The following BCAR3 variants were observed in gnomAD, a reference collection of about 807,000 sequenced individuals.
The protein encoded by BCAR3 is BCAR3 adaptor protein, NSP family member, also known as breast cancer anti-estrogen resistance protein 3.
A neutral mutation model predicts 80.1 loss-of-function variants in BCAR3; 37 were observed. That is an observed-to-expected ratio of 0.46 (90% CI 0.36 to 0.61). The LOEUF (loss-of-function observed/expected upper bound fraction) is 0.61, where lower values mean the gene tolerates loss of function less well. BCAR3 is among the 20% of genes least tolerant of loss of function. The pLI, the probability that BCAR3 is intolerant of heterozygous loss-of-function variation, is 0.00. For synonymous variants in BCAR3, 389 were observed against 418.9 expected (o/e 0.93, Z 0.87); for missense variants, 978 against 1,068.2 (o/e 0.92, Z 1.18).
intron 2 of BCAR3, among the ~76,000 whole-genome samples, chr1:93,670,969 A>G (rs1648174156): frequency 6.6e-6 from 1 of 151,948 alleles, no homozygotes; most frequent in Non-Finnish European, 1.5e-5. Flanking sequence ...TGTATTTTCA[A>G]TGAATGTTCA....
In BCAR3 at chr1:93,589,133, G is replaced by A; in HGVS notation, c.773C>T (p.Pro258Leu). 6.2e-7 allele frequency: 1 copy of A among 1,613,462 alleles called. No individual in the cohort carries two copies. Among genetic ancestry groups the A allele is most frequent in the South Asian group, 1.1e-5 (1 of 91,002 alleles). Reference sequence around the variant, plus strand: ...ATAATGCTCCTCCAGGCACCGCAGAGGCACCGTCCTGTTGATGGGCTGGAA... The same window carrying A: ...ATAATGCTCCTCCAGGCACCGCAGAAGCACCGTCCTGTTGATGGGCTGGAA... The part of the protein sequence containing the change: ...IIFQPINRTV[P>L]LRCLEEHYGT... The change falls in exon 5 of 12, where the codon CCT (proline) becomes CTT (leucine). Residue 258 changes from proline to leucine, a missense_variant. Transcript: ENST00000260502.
At chr1:93,678,365 T>C (rs1053156324) in intron 1 of BCAR3, among the ~76,000 whole-genome samples, 2 of 152,250 alleles carry the variant, frequency 1.3e-5, no homozygotes, top group East Asian at 1.9e-4. Flanking sequence ...GTCTCCTTTA[T>C]GGCTGGCACT....
At chr1:93,573,396 C>CAAA (rs1673301877) in intron 8 of BCAR3, among the ~76,000 whole-genome samples, 1 of 92,156 alleles carries the variant, frequency 1.1e-5, no homozygotes, top group Non-Finnish European at 3.1e-5. Flanking sequence ...TATCTCAAAA[C>CAAA]AAAAATAATA....
intron 2 of BCAR3, among the ~76,000 whole-genome samples, chr1:93,741,465 A>G (rs563584741): frequency 5.3e-5 from 8 of 152,348 alleles, no homozygotes; most frequent in East Asian, 3.9e-4. Context: ...TGACTACTTC[A>G]TAAGGTTGTT....
At chr1:93,594,136 G>GT (rs1163142006) in intron 3 of BCAR3, among the ~76,000 whole-genome samples, 1 of 152,184 alleles carries the variant, frequency 6.6e-6, no homozygotes, top group Non-Finnish European at 1.5e-5. Flanking sequence ...CCACTAGACT[G>GT]TAAGTTTCAT....
At chr1:93,770,615 A>T (rs1472537377) in intron 2 of BCAR3, among the ~76,000 whole-genome samples, 4 of 152,198 alleles carry the variant, frequency 2.6e-5, no homozygotes, top group Non-Finnish European at 5.9e-5. Flanking sequence ...CCATGAACAT[A>T]CAGAGGGGGT....
intron 3 of BCAR3, among the ~76,000 whole-genome samples, chr1:93,700,736 G>A (rs1649610448): frequency 6.6e-6 from 1 of 152,238 alleles, no homozygotes; most frequent in Non-Finnish European, 1.5e-5. Context: ...TTCCCCTACA[G>A]GATTCTCCTG....
At chr1:93,693,910 C>G (rs899118561) in intron 3 of BCAR3, among the ~76,000 whole-genome samples, 2 of 152,240 alleles carry the variant, frequency 1.3e-5, no homozygotes, top group South Asian at 2.1e-4. Context: ...GGCTCTGCCT[C>G]TTGCTTGAGC....
chr1:93,650,011 A>C (rs542868880), intron 2 of BCAR3, among the ~76,000 whole-genome samples: 2 of 151,826 alleles, frequency 1.3e-5, no homozygotes, highest in Non-Finnish European at 2.9e-5. Context: ...CCCTTAAACG[A>C]GAACTCTGAT....
intron 2 of BCAR3, among the ~76,000 whole-genome samples, chr1:93,777,621 C>T (rs934560453): frequency 5.3e-5 from 8 of 152,032 alleles, no homozygotes; most frequent in East Asian, 1.9e-4. Flanking sequence ...ATGGGGGTCT[C>T]GCTAGGTTGC....
chr1:93,587,694 C>A (rs933302613), intron 5 of BCAR3, among the ~76,000 whole-genome samples: 2 of 148,800 alleles, frequency 1.3e-5, no homozygotes, highest in Non-Finnish European at 2.9e-5. Context: ...CTCATGGACC[C>A]CCCCGCCAAA....
At chr1:93,765,221 A>G (rs1299032726) in intron 2 of BCAR3, among the ~76,000 whole-genome samples, 1 of 152,128 alleles carries the variant, frequency 6.6e-6, no homozygotes, top group Non-Finnish European at 1.5e-5. Flanking sequence ...TACAATAACC[A>G]CTCCTACTAG....
chr1:93,728,058 G>A (rs1040077619), intron 2 of BCAR3, among the ~76,000 whole-genome samples: 2 of 152,228 alleles, frequency 1.3e-5, no homozygotes, highest in Admixed American at 6.5e-5. Flanking sequence ...GGCAAGGAAG[G>A]ATTCTCCCCT....
In BCAR3 at chr1:93,582,814, C is replaced by T. The variant is rs1409032742; in HGVS notation, c.1173G>A (p.Ala391=). 8.1e-6 allele frequency: 13 copies of T among 1,613,850 alleles called. No homozygotes were observed. The highest frequency in any genetic ancestry group is 4.0e-5 in the African/African-American group (3 of 74,908). The stretch of plus-strand genomic sequence containing the variant: ...ACAGTTGACTGTCTGATCCCCTCAG[C>T]GCCTCCCCAGCCCTGGCGTCTGAGG... The part of the protein sequence containing the change: ...RVSSDARAGE[A]LRGSDSQLCP... The change falls in exon 7 of 12, where the codon GCG becomes GCA. Residue 391 remains alanine (A), a synonymous_variant. Coordinates refer to ENST00000260502, the MANE Select transcript of BCAR3 (RefSeq NM_003567.4).
Position 93,562,131 on chromosome 1 carries a change from T to G in BCAR3, c.*110A>C. On this transcript the variant is annotated 3_prime_UTR_variant, in exon 12 of 12. Coordinates refer to ENST00000260502, the MANE Select transcript of BCAR3 (RefSeq NM_003567.4). ...TTAATATCCTGTGGATACTAAAAGC[T>G]TGTATATTGTCAGATTTGCACATTA... The G allele has an allele frequency of 8.5e-7, 1 of 1,177,784 alleles. No individual in the cohort carries two copies. The highest frequency in any genetic ancestry group is 1.2e-6 in the Non-Finnish European group (1 of 841,176). The allele number at this position is 1,177,784 out of a possible 1,614,324, so 73.0% of individuals were successfully genotyped here.
Position 93,613,376 on chromosome 1 carries a change from A to T in BCAR3, c.358-20983T>A, listed in dbSNP as rs182392546. Reference sequence around the variant, plus strand: ...GCAGTAAAGACAACAACAGTTCTGAACCCTGAGATGTTTTGAAACCTGGCT... The same window carrying T: ...GCAGTAAAGACAACAACAGTTCTGATCCCTGAGATGTTTTGAAACCTGGCT... On this transcript the variant is annotated intron_variant, in intron 3 of 11. Transcript: ENST00000260502. 8.5e-5 allele frequency among the ~76,000 whole-genome samples: 13 copies of T among 152,344 alleles called. No homozygotes were observed. In the East Asian group the frequency reaches 2.3e-3, roughly 27 times the overall value.
chr1:93,578,944 G>A (rs886652538), intron 7 of BCAR3, among the ~76,000 whole-genome samples: 3 of 152,228 alleles, frequency 2.0e-5, no homozygotes, highest in African/African-American at 7.2e-5. Flanking sequence ...AGGCACAGAA[G>A]GGGAGGCTGT....
Position 93,566,279 on chromosome 1 carries a change from T to C in BCAR3, c.2299+1000A>G, listed in dbSNP as rs534819096. Among the ~76,000 whole-genome samples the C allele has an allele frequency of 3.9e-5, 6 of 152,248 alleles. No individual in the cohort carries two copies. In the South Asian group the frequency reaches 1.2e-3, roughly 32 times the overall value. On this transcript the variant is annotated intron_variant, in intron 11 of 11. Transcript: ENST00000260502. ...GAGTGGAATTCCCAGCCCTGCTTGC[T>C]GGTAACTGCTTTTGTCCTTTAACAA...
At chr1:93,814,027 T>A (rs1653936092) in intron 2 of BCAR3, among the ~76,000 whole-genome samples, 1 of 152,202 alleles carries the variant, frequency 6.6e-6, no homozygotes, top group Non-Finnish European at 1.5e-5. Context: ...TTTAGGTAAA[T>A]TTTTTATGAC....
Sources: gnomAD v4.1 joint callset for allele counts (sites outside exome capture counted in the v4.1 genomes callset) on GRCh38, gnomAD v4.1.1 for gene constraint, MANE v1.5 for transcripts, NCBI Gene and HGNC (gene_info 2026-07-23, HGNC 2026-07-21) for gene names.